Variants in ITPKC observed in about 807,000 individuals in gnomAD.
The protein encoded by ITPKC is inositol-trisphosphate 3-kinase C.
A neutral mutation model predicts 67.1 loss-of-function variants in ITPKC; 33 were observed. The observed-to-expected ratio is 0.49, with a 90% CI of 0.37 to 0.66. ITPKC has a LOEUF of 0.66. Ranked by LOEUF, ITPKC falls within the 30% of genes least tolerant of loss-of-function variation. The pLI, the probability that ITPKC is intolerant of heterozygous loss-of-function variation, is 0.00. For missense variants in ITPKC, 820 were observed against 892.1 expected, an observed-to-expected ratio of 0.92 and a Z score of 1.03; for synonymous variants, 341 against 359.8, an observed-to-expected ratio of 0.95 and a Z score of 0.59.
At chr19:40,727,346 ATAAATAAAAT>A (rs1295004244) in intron 2 of ITPKC, among the ~76,000 whole-genome samples, 1 of 114,006 alleles carries the variant, frequency 8.8e-6, no homozygotes, top group Non-Finnish European at 2.0e-5. Context: ...AAATAAATAA[ATAAATAAAAT>A]AAAATAAAAT....
In ITPKC at chr19:40,717,117, C is replaced by G; in HGVS notation, c.-19C>G. On this transcript the variant is annotated 5_prime_UTR_variant, in exon 1 of 7. Transcript: ENST00000263370. ...TAGGAGGGGCCGGGTCGGCCGAAGC[C>G]CGAACCGAAGGAGCGGGCATGAGGC... 8.2e-7 allele frequency: 1 copy of G among 1,220,662 alleles called. No homozygotes were observed. Among genetic ancestry groups the G allele is most frequent in the Non-Finnish European group, 1.0e-6 (1 of 979,888 alleles). The allele number at this position is 1,220,662 out of a possible 1,614,324, so 75.6% of individuals were successfully genotyped here.
In ITPKC at chr19:40,718,178, C is replaced by G; in HGVS notation, c.1043C>G (p.Ser348Cys). ...GAGGCCCAGCCAGTGGGACCCCCCTCCCGGGTTGAGGGGGGCAGCGGCGGC... is the reference window on the plus strand; with the variant it reads ...GAGGCCCAGCCAGTGGGACCCCCCTGCCGGGTTGAGGGGGGCAGCGGCGGC... ...EPEAQPVGPPSRVEGGSGGFS... is the reference protein window; with the variant it reads ...EPEAQPVGPPCRVEGGSGGFS... The change falls in exon 1 of 7, where the codon TCC becomes TGC. Residue 348 changes from serine to cysteine, a missense_variant. Ser to Cys is a moderately radical substitution (Grantham distance 112). Coordinates refer to ENST00000263370, the MANE Select transcript of ITPKC (RefSeq NM_025194.3). 6.3e-7 allele frequency: 1 copy of G among 1,588,624 alleles called. No individual in the cohort carries two copies. Among genetic ancestry groups the G allele is most frequent in the Non-Finnish European group, 8.6e-7 (1 of 1,167,984 alleles).
chr19:40,736,118 C>T (rs1352161915), intron 4 of ITPKC, among the ~76,000 whole-genome samples: 5 of 152,036 alleles, frequency 3.3e-5, no homozygotes, highest in Non-Finnish European at 5.9e-5. Context: ...GGTGAAACCC[C>T]GTTGCTACTA....
chr19:40,737,767 G>A lies in ITPKC; in HGVS notation c.1846G>A (p.Glu616Lys). ...LEISPFFKTHEVVGSSLLFVH... is the reference protein window; with the variant it reads ...LEISPFFKTHKVVGSSLLFVH... ...GATCTCCCCCTTCTTCAAGACCCAC[G>A]AGGTGCGAGCCCTGGCTTCCATGGG... The change falls in exon 6 of 7, where the codon GAG (glutamate) becomes AAG (lysine). Residue 616 changes from glutamate (E) to lysine (K), a missense_variant and splice_region_variant. Transcript: ENST00000263370. The A allele has an allele frequency of 1.2e-6, 2 of 1,613,890 alleles. No individual in the cohort carries two copies. The highest frequency in any genetic ancestry group is 1.7e-6 in the Non-Finnish European group (2 of 1,179,802).
intron 3 of ITPKC, 84 bp downstream of exon 3, chr19:40,729,499 C>T (rs912572635): frequency 2.5e-6 from 3 of 1,191,510 alleles, no homozygotes; most frequent in Non-Finnish European, 3.6e-6. Context: ...GGCGCGGTGG[C>T]TCACGCCTGT....
Position 40,735,638 on chromosome 19 carries a change from C to T in ITPKC, c.1675-1348C>T, listed in dbSNP as rs117223763. Among the ~76,000 whole-genome samples, 85 of 152,218 alleles carry T rather than the reference C, an allele frequency of 5.6e-4. No homozygotes were observed. In the East Asian group the frequency reaches 0.016, roughly 29 times the overall value. The stretch of plus-strand genomic sequence containing the variant: ...GGGTCCCCTCTTCACCTCCTCATAG[C>T]TCCTTATACTCTTTCATTATTCTTA... On this transcript the variant is annotated intron_variant, in intron 4 of 6. Coordinates refer to ENST00000263370, the MANE Select transcript of ITPKC (RefSeq NM_025194.3).
At chr19:40,719,551 G>A (rs1370609360) in intron 1 of ITPKC, among the ~76,000 whole-genome samples, 3 of 151,410 alleles carry the variant, frequency 2.0e-5, no homozygotes, top group East Asian at 3.9e-4. Flanking sequence ...GTGCAGTGGT[G>A]CCATCTCGGC....
In ITPKC at chr19:40,732,184, G is replaced by A. The variant is rs1391647096; in HGVS notation, c.1470-976G>A. ...CCCGGGAGGTCCTAGAAGTTGCAGT[G>A]AGCCAAGATCACGCCACTGTACTCC... On this transcript the variant is annotated intron_variant, in intron 3 of 6. Coordinates refer to ENST00000263370, the MANE Select transcript of ITPKC (RefSeq NM_025194.3). 4.9e-5 allele frequency among the ~76,000 whole-genome samples: 7 copies of A among 144,138 alleles called. No homozygotes were observed. The Admixed American group carries it at 5.0e-4, about 10-fold the overall frequency. The allele number at this position is 144,138 out of a possible 152,430, so 94.6% of individuals were successfully genotyped here. A position where few individuals can be genotyped will look rare whatever the true frequency, so the allele number is the denominator to read the frequency against.
Position 40,739,709 on chromosome 19 carries a change from A to G in ITPKC, c.*149A>G, listed in dbSNP as rs1599659391. On this transcript the variant is annotated 3_prime_UTR_variant, in exon 7 of 7. Transcript: ENST00000263370. ...CATGTGCCACACGAGACCAACGTGG[A>G]AAAGTCTGAAGGGCCTTGGGAGACC... The G allele has an allele frequency of 1.5e-6, 1 of 674,626 alleles. No individual in the cohort carries two copies. Among genetic ancestry groups the G allele is most frequent in the Non-Finnish European group, 2.5e-6 (1 of 402,212 alleles). The allele number at this position is 674,626 out of a possible 1,614,324, so 41.8% of individuals were successfully genotyped here.
At chr19:40,727,202 C>T (rs960297880) in intron 2 of ITPKC, among the ~76,000 whole-genome samples, 4 of 151,970 alleles carry the variant, frequency 2.6e-5, no homozygotes, top group Admixed American at 6.6e-5. Context: ...GGCATGGTGG[C>T]GGGCGCCTGT....
chr19:40,728,582 A>G (rs1351293606), intron 2 of ITPKC, among the ~76,000 whole-genome samples: 1 of 152,180 alleles, frequency 6.6e-6, no homozygotes, highest in Non-Finnish European at 1.5e-5. Context: ...GACGCTCTGG[A>G]CTTAGATCTC....
chr19:40,734,216 T>TC (rs987082713), intron 4 of ITPKC, among the ~76,000 whole-genome samples: 1 of 152,162 alleles, frequency 6.6e-6, no homozygotes, highest in African/African-American at 2.4e-5. Context: ...TGTTTTTTTT[T>TC]CCCCCACAGC....
chr19:40,733,137 T>C lies in ITPKC; in HGVS notation c.1470-23T>C, dbSNP rs114213663. ...CCAGTTTGTTCTACATAATTTCCTT[T>C]GTCACATCCTCTGTGTGCTCAGGAC... is the stretch of plus-strand genomic sequence containing the variant. On this transcript the variant is annotated intron_variant, in intron 3 of 6. Transcript: ENST00000263370. 8.7e-4 allele frequency: 1,403 copies of C among 1,607,424 alleles called. 9 individuals carry two copies. In the African/African-American group the frequency reaches 0.017, roughly 19 times the overall value.
chr19:40,718,032 G>A lies in ITPKC; in HGVS notation c.897G>A (p.Glu299=), dbSNP rs879220288. 6.2e-7 allele frequency: 1 copy of A among 1,614,144 alleles called. No individual in the cohort carries two copies. The highest frequency in any genetic ancestry group is 1.1e-5 in the South Asian group (1 of 91,084). Reference sequence around the variant, plus strand: ...CAGACTGCCTCTTGGGAGAGCCTGAGGATGGCCCATTAGAGGAACCAGAGC... The same window carrying A: ...CAGACTGCCTCTTGGGAGAGCCTGAAGATGGCCCATTAGAGGAACCAGAGC... ...PGTDCLLGEP[E]DGPLEEPEPG... is the part of the protein sequence containing the mutation. Residue 299 remains glutamate, a synonymous_variant, in exon 1 of 7, where the codon GAG becomes GAA. Coordinates refer to ENST00000263370, the MANE Select transcript of ITPKC (RefSeq NM_025194.3).
rs560394797 is a variant in ITPKC at position 40,736,656 on chromosome 19, A to G, written c.1675-330A>G. 1.7e-3 allele frequency among the ~76,000 whole-genome samples: 254 copies of G among 152,050 alleles called. 1 individual carries two copies. The highest frequency in any genetic ancestry group is 5.9e-3 in the African/African-American group (246 of 41,468). On this transcript the variant is annotated intron_variant, in intron 4 of 6. Coordinates refer to ENST00000263370, the MANE Select transcript of ITPKC (RefSeq NM_025194.3). ...GTAGCTGGGATTACAGGCGCCCGCC[A>G]CCACACTTGGCTAATTTTTTGTATT...
At chr19:40,725,228 C>T in intron 1 of ITPKC, 112 bp from the exon 2 acceptor site, 1 of 680,810 alleles carries the variant, frequency 1.5e-6, no homozygotes. Flanking sequence ...CCCAGGAAGC[C>T]CCTGGCCCTG....
chr19:40,725,290 C>G (rs966181932), intron 1 of ITPKC, 50 bp from the exon 2 acceptor site: 1 of 1,257,292 alleles, frequency 8.0e-7, no homozygotes, highest in Non-Finnish European at 1.2e-6. Flanking sequence ...CCTCTAGCCC[C>G]TGCCTTCCCT....
Position 40,717,836 on chromosome 19 carries a change from A to G in ITPKC, c.701A>G (p.Gln234Arg), listed in dbSNP as rs1373566113. ...KELYTDGSRTQQDIEGPWTEP... is the reference protein window; with the variant it reads ...KELYTDGSRTRQDIEGPWTEP... ...TTGTATACTGATGGCTCCAGGACACAACAGGATATTGAAGGTCCCTGGACA... is the reference window on the plus strand; with the variant it reads ...TTGTATACTGATGGCTCCAGGACACGACAGGATATTGAAGGTCCCTGGACA... The change falls in exon 1 of 7, where the codon CAA (glutamine) becomes CGA (arginine). Residue 234 changes from glutamine to arginine, a missense_variant. By Grantham distance (43) the Gln-to-Arg change is conservative (BLOSUM62 1). Coordinates refer to ENST00000263370, the MANE Select transcript of ITPKC (RefSeq NM_025194.3). 1.2e-6 allele frequency: 2 copies of G among 1,614,030 alleles called. No homozygotes were observed. The highest frequency in any genetic ancestry group is 2.2e-5 in the South Asian group (2 of 91,088).
At chr19:40,720,637 G>C (rs1162805326) in intron 1 of ITPKC, among the ~76,000 whole-genome samples, 1 of 152,062 alleles carries the variant, frequency 6.6e-6, no homozygotes, top group Admixed American at 6.6e-5. Flanking sequence ...TCTGAGAGCA[G>C]TCAGGGGCTC....
Sources: gnomAD v4.1 joint callset for allele counts (sites outside exome capture counted in the v4.1 genomes callset) on GRCh38, gnomAD v4.1.1 for gene constraint, MANE v1.5 for transcripts, NCBI Gene and HGNC (gene_info 2026-07-23, HGNC 2026-07-21) for gene names.